The following CCDC136 variants were observed in gnomAD, a reference collection of about 807,000 sequenced individuals.
CCDC136 encodes coiled-coil domain-containing protein 136.
A neutral mutation model predicts 141.2 loss-of-function variants in CCDC136; 100 were observed. The ratio of observed to expected loss-of-function variants is 0.71; its 90% CI spans 0.60 to 0.84. CCDC136 has a LOEUF of 0.84. Ranked by LOEUF, CCDC136 falls within the 40% of genes least tolerant of loss-of-function variation. CCDC136 has a pLI of 0.00. For missense variants in CCDC136, 1,206 were observed against 1,379.4 expected (o/e 0.87, Z 1.99); for synonymous variants, 474 against 531.9 (o/e 0.89, Z 1.50).
Position 128,794,305 on chromosome 7 carries a change from G to C in CCDC136, c.17-43G>C. ...AGGGCCCTGGAAGGACGGCAGAAAGGAAGTTGATGCTGACTCCTTGGTGGG... is the reference window on the plus strand; with the variant it reads ...AGGGCCCTGGAAGGACGGCAGAAAGCAAGTTGATGCTGACTCCTTGGTGGG... On this transcript the variant is annotated intron_variant, in intron 1 of 17. Transcript: ENST00000297788. The surrounding 1 kb of genome is among the most constrained non-coding windows in gnomAD (Gnocchi z 4.3). 6.4e-7 allele frequency: 1 copy of C among 1,551,548 alleles called. No individual in the cohort carries two copies. The highest frequency in any genetic ancestry group is 1.4e-5 in the African/African-American group (1 of 73,160).
chr7:128,815,931 G>T lies in CCDC136; in HGVS notation c.3363G>T (p.Lys1121Asn), dbSNP rs1248691431. Residue 1121 changes from lysine to asparagine, a missense_variant and splice_region_variant, in exon 16 of 18, where the codon AAG becomes AAT. Lys to Asn is a moderately conservative substitution (Grantham distance 94). Coordinates refer to ENST00000297788, the MANE Select transcript of CCDC136 (RefSeq NM_022742.5). ...NNPLRLSESK[K>N]SSPTPNPPIF... ...CCCTCAGACTTTCCGAGAGCAAAAA[G>T]GTAACCAGAGCCAAAGCCTAGATCA... is the stretch of plus-strand genomic sequence containing the variant. 1 of 1,607,866 alleles carries T rather than the reference G, an allele frequency of 6.2e-7. No homozygotes were observed. The highest frequency in any genetic ancestry group is 8.5e-7 in the Non-Finnish European group (1 of 1,176,820).
chr7:128,809,054 A>G, intron 10 of CCDC136: 7 of 798,074 alleles, frequency 8.8e-6, no homozygotes, highest in Non-Finnish European at 1.1e-5. Flanking sequence ...TTGCATTAAA[A>G]AACAACTGGG....
intron 3 of CCDC136, among the ~76,000 whole-genome samples, chr7:128,796,744 T>A (rs1379221459): frequency 0.019 from 1,983 of 103,444 alleles, 146 homozygotes; most frequent in East Asian, 0.063. Context: ...TATATATTCT[T>A]TTTTTTTTTT....
intron 4 of CCDC136, among the ~76,000 whole-genome samples, chr7:128,803,631 T>A (rs73238126): frequency 2.0e-5 from 3 of 152,186 alleles, no homozygotes; most frequent in Non-Finnish European, 4.4e-5. Context: ...CTGGTCTGGA[T>A]GGCAGAGTAA....
rs749161674 is a variant in CCDC136, at chr7:128,810,402, G to C, written c.2028+36G>C. The C allele has an allele frequency of 2.8e-6, 4 of 1,449,510 alleles. No individual in the cohort carries two copies. In the East Asian group the frequency reaches 9.2e-5, roughly 33 times the overall value. The allele number at this position is 1,449,510 out of a possible 1,614,324, so 89.8% of individuals were successfully genotyped here. On this transcript the variant is annotated intron_variant, in intron 12 of 17. Coordinates refer to ENST00000297788, the MANE Select transcript of CCDC136 (RefSeq NM_022742.5). ...CAAGAGGTAGGGAGACAGTTCTCCT[G>C]AGCACAACAGCATGGCAGAGAGAGT...
At position 128,812,603 on chromosome 7, in the gene CCDC136, T is replaced by A. The variant is rs1422885324; in HGVS notation, c.2542-105T>A. On this transcript the variant is annotated intron_variant, in intron 13 of 17. Transcript: ENST00000297788. ...TATAGTAATCCCCCGCGGGCATCTC[T>A]GGATCCTGGTGGCCATTGTTTGGTA... is the stretch of plus-strand genomic sequence containing the variant. The A allele has an allele frequency of 2.0e-5, 18 of 896,590 alleles. No individual in the cohort carries two copies. In the Admixed American group the frequency reaches 3.6e-4, roughly 18 times the overall value. 55.5% of individuals were successfully genotyped at this position (896,590 alleles called of 1,614,324 possible).
chr7:128,805,238 T>A lies in CCDC136; in HGVS notation c.783-121T>A. 1.3e-6 allele frequency: 1 copy of A among 778,920 alleles called. No homozygotes were observed. The highest frequency in any genetic ancestry group is 2.1e-6 in the Non-Finnish European group (1 of 468,482). The allele number at this position is 778,920 out of a possible 1,614,324, so 48.3% of individuals were successfully genotyped here. A position where few individuals can be genotyped will look rare whatever the true frequency, so the allele number is the denominator to read the frequency against. On this transcript the variant is annotated intron_variant, in intron 5 of 17. Coordinates refer to ENST00000297788, the MANE Select transcript of CCDC136 (RefSeq NM_022742.5). This position sits in a 1 kb window ranked among gnomAD's most constrained non-coding sequence, Gnocchi z 4.6. ...TAAGCATGTTTATCTGAGCGGTGAG[T>A]CACAATAGAAGGCCCCTTACTATCT...
At chr7:128,796,739 A>ATATATTT in intron 3 of CCDC136, among the ~76,000 whole-genome samples, 10 of 113,370 alleles carry the variant, frequency 8.8e-5, no homozygotes, top group African/African-American at 2.8e-4. Context: ...ATATATATAT[A>ATATATTT]TTCTTTTTTT....
At position 128,794,710 on chromosome 7, in the gene CCDC136, A is replaced by G. The variant is rs1261190113; in HGVS notation, c.288A>G (p.Glu96=). The G allele has an allele frequency of 6.4e-7, 1 of 1,551,616 alleles. No individual in the cohort carries two copies. The change falls in exon 3 of 18, where the codon GAA becomes GAG. Residue 96 remains glutamate, a synonymous_variant. Transcript: ENST00000297788. The surrounding 1 kb of genome is among the most constrained non-coding windows in gnomAD (Gnocchi z 4.3). ...SLELQGLLED[E]RLASAQQAEV... ...TCCCTGCAGGGCTCCTGGAGGATGAACGGCTAGCCAGCGCCCAGCAGGCAG... is the reference window on the plus strand; with the variant it reads ...TCCCTGCAGGGCTCCTGGAGGATGAGCGGCTAGCCAGCGCCCAGCAGGCAG...
intron 13 of CCDC136, among the ~76,000 whole-genome samples, 181 bp downstream of exon 13, chr7:128,812,493 T>G (rs1018674759): frequency 3.9e-5 from 6 of 152,118 alleles, no homozygotes; most frequent in African/African-American, 1.4e-4. Flanking sequence ...AGCCCTCTCA[T>G]AGAGAGAATC....
Position 128,806,267 on chromosome 7 carries a change from C to T in CCDC136, c.1120C>T (p.Leu374=). The change falls in exon 8 of 18, where the codon CTG becomes TTG. Residue 374 remains leucine (L), a synonymous_variant. Transcript: ENST00000297788. ...NEELKSRLCT[L]QKKYDTSQDE... ...GGAGCTGAAGTCCAGACTCTGTACC[C>T]TGCAGAAAAAATATGATACTAGCCA... The T allele has an allele frequency of 6.3e-7, 1 of 1,576,990 alleles. No homozygotes were observed. Among genetic ancestry groups the T allele is most frequent in the Non-Finnish European group, 8.6e-7 (1 of 1,160,726 alleles).
intron 3 of CCDC136, among the ~76,000 whole-genome samples, chr7:128,797,610 C>T (rs1382904115): frequency 2.6e-5 from 4 of 152,100 alleles, no homozygotes; most frequent in Non-Finnish European, 5.9e-5. Flanking sequence ...AGAGAGAGGA[C>T]CCTGAGACAT....
At chr7:128,809,344 G>T in intron 10 of CCDC136, 106 bp from the exon 11 acceptor site, 1 of 768,070 alleles carries the variant, frequency 1.3e-6, no homozygotes, top group Non-Finnish European at 2.2e-6. Flanking sequence ...TGACTGCACA[G>T]GGAGAGGATC....
Position 128,792,029 on chromosome 7 carries a change from G to T in CCDC136, c.-383G>T. The T allele has an allele frequency of 8.0e-7, 1 of 1,245,736 alleles. No homozygotes were observed. The highest frequency in any genetic ancestry group is 1.0e-6 in the Non-Finnish European group (1 of 991,540). 77.2% of individuals were successfully genotyped at this position (1,245,736 alleles called of 1,614,324 possible). ...CTTCACTGGCTCCCGCCCTCTTTCA[G>T]TCTTGGCCCTCTCCTCCCTGTCCCC... On this transcript the variant is annotated 5_prime_UTR_variant, in exon 1 of 18. Coordinates refer to ENST00000297788, the MANE Select transcript of CCDC136 (RefSeq NM_022742.5).
intron 10 of CCDC136, 28 bp from the exon 11 acceptor site, chr7:128,809,422 C>T (rs1419467544): frequency 2.1e-6 from 3 of 1,424,344 alleles, no homozygotes; most frequent in East Asian, 5.1e-5. Flanking sequence ...AGAGTAACCA[C>T]CCCCTCCACA....
At chr7:128,814,586 A>G (rs779780542) in intron 14 of CCDC136, 52 bp from the exon 15 acceptor site, 16 of 1,473,952 alleles carry the variant, frequency 1.1e-5, no homozygotes, top group Non-Finnish European at 1.5e-5. Context: ...TGGTCAGCCA[A>G]CTGGTTGCAT....
rs561389924 is a variant in CCDC136, at chr7:128,819,992, T to A, written c.*6-1807T>A. Among the ~76,000 whole-genome samples the A allele has an allele frequency of 7.2e-5, 11 of 152,370 alleles. No individual in the cohort carries two copies. The East Asian group carries it at 2.1e-3, about 29-fold the overall frequency. On this transcript the variant is annotated intron_variant, in intron 17 of 17. Coordinates refer to ENST00000297788, the MANE Select transcript of CCDC136 (RefSeq NM_022742.5). ...TGTACCTGCATTTGATTTTGAGGCT[T>A]CAAAGGCAGAATTTTCCATTCTTCC...
chr7:128,796,739 A>ATATATATATATATATATATATTT, intron 3 of CCDC136, among the ~76,000 whole-genome samples: 2 of 113,376 alleles, frequency 1.8e-5, no homozygotes, highest in African/African-American at 9.2e-5. Flanking sequence ...ATATATATAT[A>ATATATATATATATATATATATTT]TTCTTTTTTT....
Position 128,814,694 on chromosome 7 carries a change from G to GGAT in CCDC136, c.2823_2825dup (p.Asp941dup). 1 of 1,612,996 alleles carries GGAT rather than the reference G, an allele frequency of 6.2e-7. No homozygotes were observed. On this transcript the variant is annotated inframe_insertion, in exon 15 of 18. Transcript: ENST00000297788. ...TGCAGCTGCAATACCAGGCTAGCAT[G>GGAT]GATGAGCAGGGGCGGCTTCTGGTAG...
Sources: allele counts gnomAD v4.1 joint callset (sites outside exome capture counted in the v4.1 genomes callset), GRCh38; gene constraint gnomAD v4.1.1; non-coding constraint Gnocchi (gnomAD v3.1); transcripts MANE v1.5; gene names NCBI Gene and HGNC (gene_info 2026-07-23, HGNC 2026-07-21).